The following ATP2A3 variants were observed in gnomAD, a reference collection of about 807,000 sequenced individuals.
The protein encoded by ATP2A3 is sarcoplasmic/endoplasmic reticulum calcium ATPase 3.
Under a neutral mutation model 106.8 loss-of-function variants are expected in ATP2A3, and 61 were observed. That is an observed-to-expected ratio of 0.57 (90% confidence interval 0.46 to 0.71). ATP2A3 has a LOEUF of 0.71. Ranked by LOEUF, ATP2A3 falls within the 30% of genes least tolerant of loss-of-function variation. The pLI is 0.00. For missense variants in ATP2A3, 1,201 were observed against 1,423.5 expected (o/e 0.84, Z 2.52); for synonymous variants, 611 against 609.3 (o/e 1.00, Z -0.04).
rs2052850884 is a variant in ATP2A3 at position 3,928,597 on chromosome 17, A to G, written c.2980+66T>C. 1 of 1,371,144 alleles carries G rather than the reference A, an allele frequency of 7.3e-7. No homozygotes were observed. Among genetic ancestry groups the G allele is most frequent in the Non-Finnish European group, 1.0e-6 (1 of 983,884 alleles). 84.9% of individuals were successfully genotyped at this position (1,371,144 alleles called of 1,614,324 possible). On this transcript the variant is annotated intron_variant, in intron 20 of 20. Transcript: ENST00000397041. This position sits in a 1 kb window ranked among gnomAD's most constrained non-coding sequence, Gnocchi z 6.1. ...TCTGCGCTCCACACCCACAGCGTCCACTGCAGCCCAGGAGCAGAGGCGGGC... is the reference window on the plus strand; with the variant it reads ...TCTGCGCTCCACACCCACAGCGTCCGCTGCAGCCCAGGAGCAGAGGCGGGC...
At chr17:3,935,319 G>A (rs1489401800) in intron 16 of ATP2A3, 42 bp from the exon 17 acceptor site, 2 of 1,569,922 alleles carry the variant, frequency 1.3e-6, no homozygotes, top group Admixed American at 3.3e-5. Context: ...AATGGCGGTG[G>A]TTTTCTGGCG....
rs2055327737 is a variant in ATP2A3, at chr17:3,964,415, G to C, written c.-124C>G. 1 of 394,750 alleles carries C rather than the reference G, an allele frequency of 2.5e-6. No individual in the cohort carries two copies. The highest frequency in any genetic ancestry group is 1.1e-4 in the South Asian group (1 of 8,898). The allele number at this position is 394,750 out of a possible 1,614,324, so 24.5% of individuals were successfully genotyped here. ...GCCGCGCGAGGCCATGTCCGTGCTGGGACCTTACCCGACGGCAGTGGCGGC... is the reference window on the plus strand; with the variant it reads ...GCCGCGCGAGGCCATGTCCGTGCTGCGACCTTACCCGACGGCAGTGGCGGC... On this transcript the variant is annotated 5_prime_UTR_variant, in exon 1 of 21. Coordinates refer to ENST00000397041, the MANE Select transcript of ATP2A3 (RefSeq NM_005173.4).
chr17:3,951,550 C>A (rs765446096), intron 4 of ATP2A3, 31 bp downstream of exon 4: 6 of 1,290,314 alleles, frequency 4.7e-6, no homozygotes, highest in Non-Finnish European at 6.6e-6. Flanking sequence ...GAGACCGCCC[C>A]CCGCCCGGTC....
chr17:3,928,231 G>A lies in ATP2A3; in HGVS notation c.2980+432C>T. 6.2e-7 allele frequency: 1 copy of A among 1,613,644 alleles called. No individual in the cohort carries two copies. The highest frequency in any genetic ancestry group is 8.5e-7 in the Non-Finnish European group (1 of 1,180,002). On this transcript the variant is annotated intron_variant, in intron 20 of 20. Coordinates refer to ENST00000397041, the MANE Select transcript of ATP2A3 (RefSeq NM_005173.4). This position sits in a 1 kb window ranked among gnomAD's most constrained non-coding sequence, Gnocchi z 6.1. The stretch of plus-strand genomic sequence containing the variant: ...GACCCACCCACAAGGTGATACCAAA[G>A]AGGCCAACCCGGTGTGGTCTGGGGT...
intron 4 of ATP2A3, 31 bp downstream of exon 4, chr17:3,951,550 C>CT: frequency 7.8e-7 from 1 of 1,290,316 alleles, no homozygotes; most frequent in Non-Finnish European, 1.1e-6. Flanking sequence ...GAGACCGCCC[C>CT]CCGCCCGGTC....
rs1459017158 is a variant in ATP2A3, at chr17:3,953,075, C to CG, written c.219+271dup. ...AACCCTAGGGTACAGCAGGGCGGGG[C>CG]GGGGGGCAGATGTGAGTTGGGGAGC... On this transcript the variant is annotated intron_variant, in intron 3 of 20. Coordinates refer to ENST00000397041, the MANE Select transcript of ATP2A3 (RefSeq NM_005173.4). The surrounding 1 kb of genome is among the most constrained non-coding windows in gnomAD (Gnocchi z 5.1). 2.0e-5 allele frequency among the ~76,000 whole-genome samples: 3 copies of CG among 151,920 alleles called. No homozygotes were observed. The highest frequency in any genetic ancestry group is 4.4e-5 in the Non-Finnish European group (3 of 67,976).
intron 1 of ATP2A3, among the ~76,000 whole-genome samples, chr17:3,959,494 AG>A (rs577802914): frequency 6.6e-6 from 1 of 152,202 alleles, no homozygotes; most frequent in Non-Finnish European, 1.5e-5. Context: ...GCCAGGGAGA[AG>A]GGGGGTAAGC....
chr17:3,943,295 A>G, intron 11 of ATP2A3, 96 bp downstream of exon 11: 1 of 1,547,436 alleles, frequency 6.5e-7, no homozygotes, highest in African/African-American at 1.4e-5. Flanking sequence ...AACAAAACGA[A>G]ACAAAACAAA....
intron 4 of ATP2A3, 38 bp downstream of exon 4, chr17:3,951,543 A>ACCCCCCCCCCCCCCCCCTCC (rs56224024): frequency 7.4e-7 from 1 of 1,356,850 alleles, no homozygotes; most frequent in Admixed American, 2.1e-5. Context: ...TGGCTGGGAG[A>ACCCCCCCCCCCCCCCCCTCC]CCGCCCCCCG....
chr17:3,943,380 G>C lies in ATP2A3; in HGVS notation c.1419+11C>G. The C allele has an allele frequency of 1.9e-6, 3 of 1,613,394 alleles. No individual in the cohort carries two copies. Among genetic ancestry groups the C allele is most frequent in the Non-Finnish European group, 2.5e-6 (3 of 1,179,946 alleles). On this transcript the variant is annotated intron_variant, in intron 11 of 20. Transcript: ENST00000397041. ...ATGCAGCCGGAGGCCTGAGCCCCCA[G>C]CCCTGCTCACCGTGTTACAGGCGCC...
chr17:3,950,406 C>T (rs2054347484), intron 7 of ATP2A3, 105 bp downstream of exon 7: 1 of 1,217,932 alleles, frequency 8.2e-7, no homozygotes, highest in Non-Finnish European at 1.2e-6. Flanking sequence ...TCAGGTGATC[C>T]ACCCACCTCA....
In ATP2A3 at chr17:3,936,498, G is replaced by A. The variant is rs752124631; in HGVS notation, c.2322-29C>T. ...GAACAGAGTCATGAGCTCTAGCCCC[G>A]GTAGGCCTAGCCCCCGGCAGATGCA... On this transcript the variant is annotated intron_variant, in intron 15 of 20. Transcript: ENST00000397041. This position sits in a 1 kb window ranked among gnomAD's most constrained non-coding sequence, Gnocchi z 5.4. 17 of 1,611,368 alleles carry A rather than the reference G, an allele frequency of 1.1e-5. No homozygotes were observed. Among genetic ancestry groups the A allele is most frequent in the African/African-American group, 1.3e-5 (1 of 74,842 alleles).
intron 17 of ATP2A3, 37 bp downstream of exon 17, chr17:3,935,155 G>A (rs901494772): frequency 6.2e-7 from 1 of 1,607,666 alleles, no homozygotes; most frequent in Non-Finnish European, 8.5e-7. Flanking sequence ...AACTCGAGCT[G>A]TAAGTTCAAC....
At position 3,953,784 on chromosome 17, in the gene ATP2A3, G is replaced by A. The variant is rs1392229825; in HGVS notation, c.119-74C>T. On this transcript the variant is annotated intron_variant, in intron 1 of 20. Coordinates refer to ENST00000397041, the MANE Select transcript of ATP2A3 (RefSeq NM_005173.4). This position sits in a 1 kb window ranked among gnomAD's most constrained non-coding sequence, Gnocchi z 5.1. ...TGGGTCACGCAGGGGCCTCGGGGGA[G>A]TCTGGCAGTGCCTCCCCACCGTGCC... 1.7e-5 allele frequency: 25 copies of A among 1,504,818 alleles called. No individual in the cohort carries two copies. The highest frequency in any genetic ancestry group is 2.3e-5 in the Non-Finnish European group (25 of 1,105,014). The allele number at this position is 1,504,818 out of a possible 1,614,324, so 93.2% of individuals were successfully genotyped here.
At chr17:3,956,042 C>A (rs910642066) in intron 1 of ATP2A3, among the ~76,000 whole-genome samples, 1 of 152,208 alleles carries the variant, frequency 6.6e-6, no homozygotes, top group Non-Finnish European at 1.5e-5. Context: ...CCACCACGCC[C>A]AGCTAATTTT....
chr17:3,945,213 G>A lies in ATP2A3; in HGVS notation c.1096-65C>T. 2.0e-6 allele frequency: 3 copies of A among 1,479,644 alleles called. No homozygotes were observed. In the South Asian group the frequency reaches 3.7e-5, roughly 18 times the overall value. 91.7% of individuals were successfully genotyped at this position (1,479,644 alleles called of 1,614,324 possible). A position where few individuals can be genotyped will look rare whatever the true frequency, so the allele number is the denominator to read the frequency against. On this transcript the variant is annotated intron_variant, in intron 8 of 20. Transcript: ENST00000397041. ...CTCCCTCCTCCCCGGGCGGCCAGTC[G>A]ACCCCAGGGTGGGGTCCTGCAGGCC...
Position 3,955,059 on chromosome 17 carries a change from C to G in ATP2A3, c.119-1349G>C, listed in dbSNP as rs2054693479. 6.6e-6 allele frequency among the ~76,000 whole-genome samples: 1 copy of G among 152,190 alleles called. No homozygotes were observed. Among genetic ancestry groups the G allele is most frequent in the Non-Finnish European group, 1.5e-5 (1 of 68,028 alleles). On this transcript the variant is annotated intron_variant, in intron 1 of 20. Coordinates refer to ENST00000397041, the MANE Select transcript of ATP2A3 (RefSeq NM_005173.4). This position sits in a 1 kb window ranked among gnomAD's most constrained non-coding sequence, Gnocchi z 4.2. ...TGCAGGGTGGGCTTGGAGAAGCTCC[C>G]CCTTCCCAGGCCGCAGTCTAACTGA...
chr17:3,950,498 A>G lies in ATP2A3; in HGVS notation c.630+13T>C. On this transcript the variant is annotated intron_variant, in intron 7 of 20. Coordinates refer to ENST00000397041, the MANE Select transcript of ATP2A3 (RefSeq NM_005173.4). ...ATCATTGTCTGGGCAAAGGCCCCAGACATTTGACTTACAGAAAACAGCATG... is the reference window on the plus strand; with the variant it reads ...ATCATTGTCTGGGCAAAGGCCCCAGGCATTTGACTTACAGAAAACAGCATG... 6.2e-7 allele frequency: 1 copy of G among 1,612,672 alleles called. No homozygotes were observed. The highest frequency in any genetic ancestry group is 8.5e-7 in the Non-Finnish European group (1 of 1,178,724).
chr17:3,942,851 C>T, intron 11 of ATP2A3, 120 bp from the exon 12 acceptor site: 1 of 1,439,910 alleles, frequency 6.9e-7, no homozygotes. Flanking sequence ...ATCTACACTC[C>T]TCTGACCCCA....
Sources: allele counts gnomAD v4.1 joint callset (sites outside exome capture counted in the v4.1 genomes callset), GRCh38; gene constraint gnomAD v4.1.1; non-coding constraint Gnocchi (gnomAD v3.1); transcripts MANE v1.5; gene names NCBI Gene and HGNC (gene_info 2026-07-23, HGNC 2026-07-21).